ZFYVE9: variants seen among roughly 807,000 people sequenced by gnomAD.
ZFYVE9 encodes the protein zinc finger FYVE-type containing 9, also known as zinc finger FYVE domain-containing protein 9.
Under a neutral mutation model 126.7 loss-of-function variants are expected in ZFYVE9, and 43 were observed. That is an observed-to-expected ratio of 0.34 (90% confidence interval 0.27 to 0.44). ZFYVE9 has a LOEUF of 0.44. ZFYVE9 is among the 20% of genes least tolerant of loss of function. The probability of loss-of-function intolerance (pLI) is 1.00; values close to 1 mark genes in which losing one functional copy is unlikely to be tolerated. For synonymous variants in ZFYVE9, 521 were observed against 597.4 expected, an observed-to-expected ratio of 0.87 and a Z score of 1.87; for missense variants, 1,476 against 1,697.0, an observed-to-expected ratio of 0.87 and a Z score of 2.29.
At chr1:52,307,305 G>A (rs1488220107) in intron 13 of ZFYVE9, among the ~76,000 whole-genome samples, 1 of 151,898 alleles carries the variant, frequency 6.6e-6, no homozygotes, top group African/African-American at 2.4e-5. Context: ...GCACAATCTT[G>A]GCTCACTGCA....
At chr1:52,230,419 G>A (rs1244091988) in intron 2 of ZFYVE9, among the ~76,000 whole-genome samples, 7 of 151,974 alleles carry the variant, frequency 4.6e-5, no homozygotes, top group Admixed American at 3.3e-4. Flanking sequence ...GGCCTGTTGC[G>A]GGGGTGGGGA....
chr1:52,319,680 T>C (rs980458068), intron 13 of ZFYVE9, among the ~76,000 whole-genome samples: 1 of 151,268 alleles, frequency 6.6e-6, no homozygotes, highest in Non-Finnish European at 1.5e-5. Context: ...GAAATTTATA[T>C]GGGGATAAAA....
At chr1:52,160,436 G>T in intron 1 of ZFYVE9, 1 of 930,322 alleles carries the variant, frequency 1.1e-6, no homozygotes, top group Non-Finnish European at 1.8e-6. Flanking sequence ...TCCAAAGGCA[G>T]TGCCTTTCTA....
intron 4 of ZFYVE9, among the ~76,000 whole-genome samples, chr1:52,253,409 T>A (rs933279766): frequency 1.3e-5 from 2 of 152,202 alleles, no homozygotes; most frequent in Non-Finnish European, 2.9e-5. Context: ...GAAATTAAAA[T>A]TTTTAAAATT....
At chr1:52,307,189 CA>C in intron 13 of ZFYVE9, among the ~76,000 whole-genome samples, 1 of 152,290 alleles carries the variant, frequency 6.6e-6, no homozygotes, top group African/African-American at 2.4e-5. Context: ...TTTGTTTGTA[CA>C]AGTATATCTG....
intron 1 of ZFYVE9, among the ~76,000 whole-genome samples, chr1:52,146,052 C>CACAA (rs1234427674): frequency 6.6e-6 from 1 of 151,628 alleles, no homozygotes; most frequent in Non-Finnish European, 1.5e-5. Flanking sequence ...CACACACACA[C>CACAA]ACACAAAAGT....
In ZFYVE9 at chr1:52,319,319, T is replaced by C. The variant is rs1222555552; in HGVS notation, c.3439-13449T>C. On this transcript the variant is annotated intron_variant, in intron 13 of 18. Transcript: ENST00000287727. ...AACACAATCCCAATCAAAATACGAG[T>C]AGGCTTTTTTATAAATAAAAATTGG... is the stretch of plus-strand genomic sequence containing the variant. 2.0e-5 allele frequency among the ~76,000 whole-genome samples: 3 copies of C among 152,108 alleles called. No individual in the cohort carries two copies. In the East Asian group the frequency reaches 5.8e-4, roughly 29 times the overall value.
intron 1 of ZFYVE9, among the ~76,000 whole-genome samples, chr1:52,178,909 A>G (rs939813071): frequency 8.6e-5 from 13 of 151,930 alleles, no homozygotes; most frequent in East Asian, 7.8e-4. Flanking sequence ...GGCCCAAACA[A>G]TCTTCCTACC....
chr1:52,194,165 A>G (rs1195089341), intron 1 of ZFYVE9, among the ~76,000 whole-genome samples: 1 of 152,206 alleles, frequency 6.6e-6, no homozygotes, highest in Non-Finnish European at 1.5e-5. Flanking sequence ...ATTGAGTGAG[A>G]AAAACAAGTT....
chr1:52,202,653 A>C (rs1290554282), intron 1 of ZFYVE9, among the ~76,000 whole-genome samples: 3 of 151,648 alleles, frequency 2.0e-5, no homozygotes, highest in Non-Finnish European at 4.4e-5. Flanking sequence ...TGACCTTCAA[A>C]GCAATTTTTT....
At chr1:52,333,528 T>C (rs1646362454) in intron 14 of ZFYVE9, among the ~76,000 whole-genome samples, 1 of 152,160 alleles carries the variant, frequency 6.6e-6, no homozygotes, top group African/African-American at 2.4e-5. Context: ...ACGAGATCTC[T>C]GTGTGATTCA....
At chr1:52,207,318 C>T (rs147162874) in intron 1 of ZFYVE9, among the ~76,000 whole-genome samples, 34 of 152,288 alleles carry the variant, frequency 2.2e-4, no homozygotes, top group Non-Finnish European at 4.3e-4. Flanking sequence ...ATATTTGATA[C>T]GTCTGTTATC....
chr1:52,195,271 A>C (rs1307020401), intron 1 of ZFYVE9, among the ~76,000 whole-genome samples: 3 of 152,206 alleles, frequency 2.0e-5, no homozygotes, highest in Non-Finnish European at 4.4e-5. Flanking sequence ...GAGGTAAAGG[A>C]GGAATGTTGT....
At chr1:52,345,247 T>G (rs1646473298) in intron 18 of ZFYVE9, among the ~76,000 whole-genome samples, 3 of 152,188 alleles carry the variant, frequency 2.0e-5, no homozygotes, top group Admixed American at 6.5e-5. Context: ...CCTTGATGTT[T>G]ACAAATTGCC....
intron 4 of ZFYVE9, chr1:52,252,216 C>G (rs1235028340): frequency 6.5e-6 from 1 of 154,872 alleles, no homozygotes; most frequent in African/African-American, 2.4e-5. Flanking sequence ...ACTATTAATG[C>G]TGCTTTCCAT....
intron 6 of ZFYVE9, among the ~76,000 whole-genome samples, chr1:52,267,695 T>C (rs1188987466): frequency 6.6e-6 from 1 of 152,214 alleles, no homozygotes; most frequent in Middle Eastern, 3.2e-3. Context: ...TGTATTTTTA[T>C]GAATTTAGGC....
chr1:52,340,054 C>T, intron 16 of ZFYVE9, 72 bp from the exon 17 acceptor site: 10 of 1,278,192 alleles, frequency 7.8e-6, no homozygotes, highest in Non-Finnish European at 1.1e-5. Flanking sequence ...ACTTCTGCAG[C>T]AAAACGTGAT....
chr1:52,158,316 C>T (rs1644421788), intron 1 of ZFYVE9, among the ~76,000 whole-genome samples: 1 of 152,146 alleles, frequency 6.6e-6, no homozygotes, highest in African/African-American at 2.4e-5. Context: ...TTATGAGGTC[C>T]AAGATGTCCT....
intron 1 of ZFYVE9, among the ~76,000 whole-genome samples, chr1:52,170,236 T>C (rs1321954030): frequency 6.6e-6 from 1 of 152,148 alleles, no homozygotes; most frequent in African/African-American, 2.4e-5. Flanking sequence ...TATTGACCCA[T>C]TTACTCTTAA....
Sources: gnomAD v4.1 joint callset for allele counts (sites outside exome capture counted in the v4.1 genomes callset) on GRCh38, gnomAD v4.1.1 for gene constraint, MANE v1.5 for transcripts, NCBI Gene and HGNC (gene_info 2026-07-23, HGNC 2026-07-21) for gene names.